The following UBE2G1 variants were observed in gnomAD, a reference collection of about 807,000 sequenced individuals.
The protein encoded by UBE2G1 is ubiquitin-conjugating enzyme E2 G1.
UBE2G1 carries 5 observed loss-of-function variants against 22.7 expected under a neutral mutation model. The ratio of observed to expected loss-of-function variants is 0.22; its 90% CI spans 0.12 to 0.46. The LOEUF (loss-of-function observed/expected upper bound fraction) is 0.46. UBE2G1 is among the 20% of genes least tolerant of loss of function. UBE2G1 has a pLI of 0.99. For synonymous variants in UBE2G1, 74 were observed against 67.5 expected (o/e 1.10, Z -0.47); for missense variants, 88 against 203.9 (o/e 0.43, Z 3.46).
At chr17:4,295,960 T>C (rs1190801763) in intron 3 of UBE2G1, among the ~76,000 whole-genome samples, 2 of 146,786 alleles carry the variant, frequency 1.4e-5, no homozygotes, top group African/African-American at 2.6e-5. Context: ...GCTTAAAAAA[T>C]GTAATACGTT....
At chr17:4,358,679 G>A (rs936168245) in intron 1 of UBE2G1, among the ~76,000 whole-genome samples, 8 of 152,108 alleles carry the variant, frequency 5.3e-5, no homozygotes, top group Admixed American at 3.3e-4. Flanking sequence ...TTGGCTGGGC[G>A]CGTGGCTCAC....
intron 1 of UBE2G1, among the ~76,000 whole-genome samples, chr17:4,358,326 T>G (rs937850346): frequency 1.3e-5 from 2 of 152,056 alleles, no homozygotes; most frequent in Non-Finnish European, 2.9e-5. Flanking sequence ...GTAGCGGTGG[T>G]GAAGTCACAG....
At chr17:4,282,991 T>A in intron 4 of UBE2G1, 70 bp from the exon 5 acceptor site, 1 of 1,240,698 alleles carries the variant, frequency 8.1e-7, no homozygotes, top group Non-Finnish European at 1.1e-6. Flanking sequence ...ATATTTATTT[T>A]AATTTTGAAT....
At chr17:4,366,167 GC>G in intron 1 of UBE2G1, 103 bp downstream of exon 1, 1 of 1,248,866 alleles carries the variant, frequency 8.0e-7, no homozygotes, top group Non-Finnish European at 1.1e-6. Flanking sequence ...GCAGGCCCGG[GC>G]CCCTTCGGCA....
intron 5 of UBE2G1, among the ~76,000 whole-genome samples, chr17:4,280,131 G>GT (rs1968869480): frequency 6.6e-6 from 1 of 151,374 alleles, no homozygotes; most frequent in African/African-American, 2.4e-5. Flanking sequence ...CGCCTCCTGG[G>GT]TTCAAGTGAT....
intron 1 of UBE2G1, among the ~76,000 whole-genome samples, chr17:4,355,295 G>A (rs1969893417): frequency 6.6e-6 from 1 of 150,912 alleles, no homozygotes; most frequent in South Asian, 2.1e-4. Context: ...GAGTCACTCT[G>A]GGATTACAGG....
chr17:4,318,354 G>A (rs539842811), intron 1 of UBE2G1, among the ~76,000 whole-genome samples: 1 of 152,224 alleles, frequency 6.6e-6, no homozygotes, highest in South Asian at 2.1e-4. Context: ...GTTTCTAGTA[G>A]GACTGCCAAA....
chr17:4,290,212 T>A (rs79927389), intron 3 of UBE2G1, among the ~76,000 whole-genome samples: 1 of 152,200 alleles, frequency 6.6e-6, no homozygotes, highest in South Asian at 2.1e-4. Flanking sequence ...TAAATTTTTT[T>A]AAAAATCATA....
chr17:4,322,506 C>A (rs1459341142), intron 1 of UBE2G1, among the ~76,000 whole-genome samples: 1 of 152,152 alleles, frequency 6.6e-6, no homozygotes, highest in African/African-American at 2.4e-5. Context: ...AAGAAGAGAG[C>A]CCTGCTGCAT....
intron 1 of UBE2G1, among the ~76,000 whole-genome samples, chr17:4,309,202 T>G (rs1969280354): frequency 6.6e-6 from 1 of 152,212 alleles, no homozygotes; most frequent in Non-Finnish European, 1.5e-5. Context: ...GAGGCTGCAG[T>G]GAGCCAAGAC....
chr17:4,329,664 GTGGT>G (rs1969547449), intron 1 of UBE2G1, among the ~76,000 whole-genome samples: 2 of 151,854 alleles, frequency 1.3e-5, no homozygotes. Context: ...AGACATTTTT[GTGGT>G]TGGTTAAGGA....
chr17:4,284,544 T>C (rs1968935406), intron 4 of UBE2G1, among the ~76,000 whole-genome samples: 1 of 151,594 alleles, frequency 6.6e-6, no homozygotes, highest in Non-Finnish European at 1.5e-5. Context: ...AAGGTTGCAG[T>C]GAGCCGAGAT....
Position 4,284,843 on chromosome 17 carries a change from T to A in UBE2G1, c.427-1922A>T, listed in dbSNP as rs2875769. Among the ~76,000 whole-genome samples, 3 of 40,528 alleles carry A rather than the reference T, an allele frequency of 7.4e-5. No individual in the cohort carries two copies. In the South Asian group the frequency reaches 3.1e-3, roughly 42 times the overall value. 26.6% of individuals were successfully genotyped at this position (40,528 alleles called of 152,430 possible). A position where few individuals can be genotyped will look rare whatever the true frequency, so the allele number is the denominator to read the frequency against. On this transcript the variant is annotated intron_variant, in intron 4 of 5. Transcript: ENST00000396981. ...TCTTTTCTTTTCTTTTCTTTCTTTT[T>A]TTTTTTTTTTTTTTTTTTGGAGATA... is the stretch of plus-strand genomic sequence containing the variant.
rs1449922076 is a variant in UBE2G1 at position 4,270,054 on chromosome 17, A to G, written c.*2500T>C. 2.6e-5 allele frequency: 4 copies of G among 152,590 alleles called. No individual in the cohort carries two copies. The highest frequency in any genetic ancestry group is 9.7e-5 in the African/African-American group (4 of 41,432). The allele number at this position is 152,590 out of a possible 1,614,324, so 9.5% of individuals were successfully genotyped here. The stretch of plus-strand genomic sequence containing the variant: ...AACATCTATGTAGGCCTGTTTCAGT[A>G]TGTAACACACTCAGGGCAGGTGGAA... On this transcript the variant is annotated 3_prime_UTR_variant, in exon 6 of 6. Transcript: ENST00000396981.
chr17:4,289,178 G>A (rs1969006032), intron 4 of UBE2G1, 52 bp downstream of exon 4: 1 of 1,452,654 alleles, frequency 6.9e-7, no homozygotes, highest in East Asian at 2.5e-5. Flanking sequence ...CTATAGTTCA[G>A]GTTTTATTAC....
chr17:4,326,908 A>G (rs972521833), intron 1 of UBE2G1, among the ~76,000 whole-genome samples: 5 of 152,250 alleles, frequency 3.3e-5, no homozygotes, highest in African/African-American at 2.4e-5. Context: ...CACACCTGTA[A>G]TCCCAGCACT....
chr17:4,310,973 G>A (rs12945402), intron 1 of UBE2G1, among the ~76,000 whole-genome samples: 51,823 of 152,036 alleles, frequency 0.34, 9,004 homozygotes, highest in Middle Eastern at 0.39. Context: ...AACTTTGGGA[G>A]GCTGAGGTGG....
chr17:4,289,619 T>A (rs1343989385), intron 3 of UBE2G1, among the ~76,000 whole-genome samples: 1 of 152,152 alleles, frequency 6.6e-6, no homozygotes, highest in Admixed American at 6.5e-5. Flanking sequence ...ACAAACCCAA[T>A]AGGAATACAA....
At chr17:4,276,030 A>C (rs1314965732) in intron 5 of UBE2G1, among the ~76,000 whole-genome samples, 2 of 152,158 alleles carry the variant, frequency 1.3e-5, no homozygotes, top group East Asian at 3.8e-4. Context: ...CTAATTGTGC[A>C]GTCTCCAAGT....
Sources: allele counts gnomAD v4.1 joint callset (sites outside exome capture counted in the v4.1 genomes callset), GRCh38; gene constraint gnomAD v4.1.1; transcripts MANE v1.5; gene names NCBI Gene and HGNC (gene_info 2026-07-23, HGNC 2026-07-21).